The following VPS53 variants were observed in gnomAD, a reference collection of about 807,000 sequenced individuals.
VPS53 encodes the protein vacuolar protein sorting-associated protein 53 homolog.
Under a neutral mutation model 107.0 loss-of-function variants are expected in VPS53, and 70 were observed. The ratio of observed to expected loss-of-function variants is 0.65; its 90% confidence interval spans 0.54 to 0.80. The LOEUF (loss-of-function observed/expected upper bound fraction) is 0.80, where lower values mean the gene tolerates loss of function less well. Ranked by LOEUF, VPS53 falls within the 30% of genes least tolerant of loss-of-function variation. The pLI, the probability that VPS53 is intolerant of heterozygous loss-of-function variation, is 0.00. For synonymous variants in VPS53, 409 were observed against 393.3 expected, an observed-to-expected ratio of 1.04 and a Z score of -0.47; for missense variants, 917 against 1,049.4, an observed-to-expected ratio of 0.87 and a Z score of 1.74.
chr17:653,471 C>T, intron 6 of VPS53, 61 bp from the exon 7 acceptor site: 1 of 1,609,090 alleles, frequency 6.2e-7, no homozygotes, highest in Non-Finnish European at 8.5e-7. Flanking sequence ...GATACAGACA[C>T]AGAACAACCC....
At chr17:714,163 T>C in intron 1 of VPS53, 1 of 160,914 alleles carries the variant, frequency 6.2e-6, no homozygotes, top group Non-Finnish European at 1.4e-5. Flanking sequence ...GGTAACGATG[T>C]CATTTTTCAA....
At chr17:659,578 G>T (rs1971364140) in intron 5 of VPS53, among the ~76,000 whole-genome samples, 1 of 152,218 alleles carries the variant, frequency 6.6e-6, no homozygotes, top group African/African-American at 2.4e-5. Context: ...ACCGTGCCCG[G>T]CTGCATCAGG....
At chr17:615,645 A>C (rs1284211362) in intron 11 of VPS53, among the ~76,000 whole-genome samples, 1 of 152,218 alleles carries the variant, frequency 6.6e-6, no homozygotes, top group African/African-American at 2.4e-5. Context: ...AAAATCTGGC[A>C]TATATCAAAG....
chr17:677,721 T>C (rs1416673173), intron 4 of VPS53, among the ~76,000 whole-genome samples: 1 of 152,124 alleles, frequency 6.6e-6, no homozygotes, highest in African/African-American at 2.4e-5. Flanking sequence ...TCACTAATGC[T>C]GTTAAAATAT....
chr17:705,779 C>T (rs1973377340), intron 2 of VPS53: 1 of 152,244 alleles, frequency 6.6e-6, no homozygotes, highest in African/African-American at 2.4e-5. Flanking sequence ...TGGCACACAC[C>T]TGTAGTGCTA....
intron 7 of VPS53, among the ~76,000 whole-genome samples, chr17:644,146 GA>G (rs1173101896): frequency 3.9e-5 from 6 of 152,150 alleles, no homozygotes; most frequent in African/African-American, 1.2e-4. Flanking sequence ...AGATGCTAAA[GA>G]AAAAACTCTT....
chr17:691,332 T>C (rs185017616), intron 4 of VPS53, among the ~76,000 whole-genome samples: 2 of 152,318 alleles, frequency 1.3e-5, no homozygotes, highest in East Asian at 3.9e-4. Context: ...ACTAAAGCTA[T>C]AAAACTGAAC....
At chr17:542,975 CAAAAA>C (rs57176595) in intron 17 of VPS53, among the ~76,000 whole-genome samples, 1 of 89,964 alleles carries the variant, frequency 1.1e-5, no homozygotes, top group Admixed American at 1.1e-4. Flanking sequence ...GAGACTCTGT[CAAAAA>C]AAAAAAAAAA....
rs1969796124 is a variant in VPS53, at chr17:628,142, CT to C, written c.776del (p.Lys259SerfsTer33). On this transcript the variant is annotated frameshift_variant, in exon 9 of 22. Transcript: ENST00000437048. LOFTEE classifies it high-confidence loss of function. ...ACTCTGACAGATGCTGTTTAATAAA[CT>C]TTTTGATGATTTCCTGTTTGATCCT... is the stretch of plus-strand genomic sequence containing the variant. ...DPRIKQEIIKKFIKQHLSEYL... is the reference protein window; with the variant it reads ...DPRIKQEIIKXFIKQHLSEYL... 6.2e-7 allele frequency: 1 copy of C among 1,613,776 alleles called. No homozygotes were observed. The highest frequency in any genetic ancestry group is 1.3e-5 in the African/African-American group (1 of 74,924).
intron 1 of VPS53, among the ~76,000 whole-genome samples, chr17:711,532 C>T (rs904537871): frequency 6.6e-6 from 1 of 152,166 alleles, no homozygotes; most frequent in Non-Finnish European, 1.5e-5. Flanking sequence ...CACATATACA[C>T]AGGTTATTTA....
chr17:701,590 A>C (rs1370569348), intron 2 of VPS53, among the ~76,000 whole-genome samples: 3 of 152,114 alleles, frequency 2.0e-5, no homozygotes, highest in Admixed American at 6.5e-5. Flanking sequence ...GTTGGCCAGG[A>C]TGGTCTCGAT....
rs28637278 is a variant in VPS53, at chr17:510,449, C to A, written c.*8679G>T. 0.024 allele frequency: 1,671 copies of A among 70,962 alleles called. 5 individuals carry two copies. The highest frequency in any genetic ancestry group is 0.15 in the South Asian group (420 of 2,894). The allele number at this position is 70,962 out of a possible 1,614,324, so 4.4% of individuals were successfully genotyped here. A position where few individuals can be genotyped will look rare whatever the true frequency, so the allele number is the denominator to read the frequency against. Reference sequence around the variant, plus strand: ...AATCCTGGCCGACCCCTTACTAGTCCCATATGAAATCCTGGCTGACCCCTT... The same window carrying A: ...AATCCTGGCCGACCCCTTACTAGTCACATATGAAATCCTGGCTGACCCCTT... On this transcript the variant is annotated 3_prime_UTR_variant, in exon 22 of 22. Transcript: ENST00000437048.
intron 13 of VPS53, among the ~76,000 whole-genome samples, chr17:579,861 A>T (rs1210185626): frequency 2.0e-5 from 3 of 151,376 alleles, no homozygotes; most frequent in Admixed American, 1.3e-4. Flanking sequence ...TTGCCAGAGA[A>T]CCTCCCTCAG....
intron 5 of VPS53, among the ~76,000 whole-genome samples, chr17:658,016 G>T (rs12945610): frequency 9.1e-5 from 9 of 99,232 alleles, no homozygotes; most frequent in African/African-American, 3.7e-4. Context: ...CCGTGAGTTC[G>T]TGGATAGATA....
At chr17:645,466 C>T (rs1970647990) in intron 7 of VPS53, among the ~76,000 whole-genome samples, 1 of 151,978 alleles carries the variant, frequency 6.6e-6, no homozygotes, top group Admixed American at 6.6e-5. Context: ...GCCATTTTAC[C>T]CTGCTGATAG....
At chr17:578,438 A>G (rs139908150) in intron 13 of VPS53, among the ~76,000 whole-genome samples, 48 of 150,766 alleles carry the variant, frequency 3.2e-4, no homozygotes, top group African/African-American at 1.1e-3. Flanking sequence ...GCATTCCCAG[A>G]CAACTTCCCT....
intron 19 of VPS53, among the ~76,000 whole-genome samples, chr17:528,664 T>C (rs981510304): frequency 1.3e-5 from 2 of 150,220 alleles, no homozygotes; most frequent in African/African-American, 4.9e-5. Flanking sequence ...AGTGGCGCAA[T>C]CTTGGCTCAC....
chr17:572,868 A>G (rs553610580), intron 13 of VPS53, among the ~76,000 whole-genome samples: 3 of 151,182 alleles, frequency 2.0e-5, no homozygotes, highest in East Asian at 3.9e-4. Context: ...CCTAATCTCA[A>G]GTACCCAGGG....
chr17:584,590 G>A (rs1303326008), intron 13 of VPS53, among the ~76,000 whole-genome samples: 5 of 152,118 alleles, frequency 3.3e-5, no homozygotes, highest in African/African-American at 1.2e-4. Context: ...GCATAGTGAC[G>A]GCTAATTGCA....
Sources: gnomAD v4.1 joint callset for allele counts (sites outside exome capture counted in the v4.1 genomes callset) on GRCh38, gnomAD v4.1.1 for gene constraint, MANE v1.5 for transcripts, NCBI Gene and HGNC (gene_info 2026-07-23, HGNC 2026-07-21) for gene names.